Variants in CFAP77 observed in about 807,000 individuals in gnomAD.
CFAP77 encodes cilia- and flagella-associated protein 77.
Under a neutral mutation model 31.1 loss-of-function variants are expected in CFAP77, and 25 were observed. The observed-to-expected ratio is 0.80, with a 90% CI of 0.59 to 1.12. The LOEUF is 1.12. Ranked by LOEUF, CFAP77 falls within the 50% of genes most tolerant of loss-of-function variation. CFAP77 has a pLI of 0.00. For synonymous variants in CFAP77, 151 were observed against 159.9 expected (o/e 0.94, Z 0.42); for missense variants, 377 against 397.3 (o/e 0.95, Z 0.44).
chr9:132,415,579 C>T (rs1291564423), intron 1 of CFAP77, among the ~76,000 whole-genome samples: 1 of 152,224 alleles, frequency 6.6e-6, no homozygotes, highest in Non-Finnish European at 1.5e-5. Context: ...TATTACGTGG[C>T]TCTCAGAACA....
At chr9:132,563,017 C>CT (rs1010534123) in intron 5 of CFAP77, among the ~76,000 whole-genome samples, 1 of 150,566 alleles carries the variant, frequency 6.6e-6, no homozygotes. Context: ...GTTTTTTTGG[C>CT]TTTTTTTGGT....
chr9:132,474,023 T>C (rs537601488), intron 1 of CFAP77, among the ~76,000 whole-genome samples: 3 of 152,290 alleles, frequency 2.0e-5, no homozygotes, highest in Admixed American at 2.0e-4. Context: ...ACTGATCACA[T>C]TGCGTCCTCT....
intron 1 of CFAP77, among the ~76,000 whole-genome samples, chr9:132,433,300 C>T (rs1850445023): frequency 6.6e-6 from 1 of 152,200 alleles, no homozygotes; most frequent in Non-Finnish European, 1.5e-5. Context: ...CTGAGGGCTG[C>T]TGGGTTTCTG....
intron 1 of CFAP77, among the ~76,000 whole-genome samples, chr9:132,444,736 A>T (rs948554630): frequency 2.0e-5 from 3 of 152,156 alleles, no homozygotes; most frequent in African/African-American, 7.2e-5. Context: ...AAATTTTTTA[A>T]AAAAAATTGT....
chr9:132,541,488 CCAAGGCCAGTGAATCACTTGAGGCCAGGA>C (rs1487600861), intron 4 of CFAP77, among the ~76,000 whole-genome samples: 10 of 152,314 alleles, frequency 6.6e-5, no homozygotes, highest in African/African-American at 2.4e-4. Context: ...CTTTGGGAGG[CCAAGGCCAGTGAATCACTTGAGGCCAGGA>C]ATTTGAGACC....
At chr9:132,459,420 G>GGTGTGTGTGTGTGTGTGT (rs112825234) in intron 1 of CFAP77, among the ~76,000 whole-genome samples, 14 of 143,856 alleles carry the variant, frequency 9.7e-5, no homozygotes, top group South Asian at 2.2e-4. Context: ...GGATGAATAG[G>GGTGTGTGTGTGTGTGTGT]GTGTGTGTGT....
At chr9:132,429,582 T>A (rs186412990) in intron 1 of CFAP77, among the ~76,000 whole-genome samples, 2,630 of 139,332 alleles carry the variant, frequency 0.019, 31 homozygotes, top group Non-Finnish European at 0.031. Flanking sequence ...CAGTGGCTCA[T>A]GCCTGTAATC....
At chr9:132,415,770 C>T (rs10901174) in intron 1 of CFAP77, among the ~76,000 whole-genome samples, 90,154 of 152,004 alleles carry the variant, frequency 0.59, 32,118 homozygotes, top group Non-Finnish European at 0.79. Context: ...ACAACTGACC[C>T]TGCGGACGAA....
intron 5 of CFAP77, among the ~76,000 whole-genome samples, chr9:132,546,161 TAA>T (rs1852724898): frequency 6.6e-6 from 1 of 152,092 alleles, no homozygotes; most frequent in Non-Finnish European, 1.5e-5. Flanking sequence ...CAGAAGAATT[TAA>T]AAGTCTGTTA....
intron 1 of CFAP77, among the ~76,000 whole-genome samples, chr9:132,434,762 G>A (rs1004236991): frequency 1.3e-5 from 2 of 152,192 alleles, no homozygotes; most frequent in African/African-American, 4.8e-5. Context: ...GAACCTGTAG[G>A]GGGGCAGAGG....
rs1029085804 is a variant in CFAP77, at chr9:132,497,524, C to A, written c.196-1171C>A. 6.6e-6 allele frequency among the ~76,000 whole-genome samples: 1 copy of A among 152,218 alleles called. No individual in the cohort carries two copies. The highest frequency in any genetic ancestry group is 2.1e-4 in the South Asian group (1 of 4,830). On this transcript the variant is annotated intron_variant, in intron 1 of 5. Coordinates refer to ENST00000393216, the MANE Select transcript of CFAP77 (RefSeq NM_001282957.2). The surrounding 1 kb of genome is among the most constrained non-coding windows in gnomAD (Gnocchi z 4.9). Reference sequence around the variant, plus strand: ...ACCCTTCTCAGTAATGGCCCCGGGGCCTGCTGGCACCAGGGAGCCACAAGA... The same window carrying A: ...ACCCTTCTCAGTAATGGCCCCGGGGACTGCTGGCACCAGGGAGCCACAAGA...
rs140545514 is a variant in CFAP77, at chr9:132,419,377, C to T, written c.195+8911C>T. Among the ~76,000 whole-genome samples the T allele has an allele frequency of 2.3e-3, 344 of 152,320 alleles. 1 individual carries two copies. Among genetic ancestry groups the T allele is most frequent in the African/African-American group, 7.1e-3 (294 of 41,566 alleles). ...GTGGCTGGTTGTTTGTAACCAATAGCACAGCGTCTAAGCTGTGCCGTGGCG... is the reference window on the plus strand; with the variant it reads ...GTGGCTGGTTGTTTGTAACCAATAGTACAGCGTCTAAGCTGTGCCGTGGCG... On this transcript the variant is annotated intron_variant, in intron 1 of 5. Transcript: ENST00000393216.
At chr9:132,504,783 G>A (rs964897195) in intron 3 of CFAP77, among the ~76,000 whole-genome samples, 1 of 132,262 alleles carries the variant, frequency 7.6e-6, no homozygotes, top group Non-Finnish European at 1.6e-5. Context: ...CCCAACCTGC[G>A]TGGAAAGCCT....
Position 132,420,920 on chromosome 9 carries a change from C to T in CFAP77, c.195+10454C>T, listed in dbSNP as rs569461904. On this transcript the variant is annotated intron_variant, in intron 1 of 5. Transcript: ENST00000393216. ...CACAGCCATCTGGATGGGATCCATG[C>T]CCAGCACTGAGGGCAGCTCCATCTT... 4.3e-4 allele frequency among the ~76,000 whole-genome samples: 65 copies of T among 151,688 alleles called. 2 individuals are homozygous for T. In the South Asian group the frequency reaches 0.013, roughly 31 times the overall value.
chr9:132,470,769 G>T (rs2131735209), intron 1 of CFAP77, among the ~76,000 whole-genome samples: 1 of 152,344 alleles, frequency 6.6e-6, no homozygotes. Flanking sequence ...AGCACTTTGG[G>T]ATGCCAAGGT....
Position 132,490,674 on chromosome 9 carries a change from G to A in CFAP77, c.196-8021G>A, listed in dbSNP as rs1337150673. Among the ~76,000 whole-genome samples, 1 of 152,128 alleles carries A rather than the reference G, an allele frequency of 6.6e-6. No individual in the cohort carries two copies. Among genetic ancestry groups the A allele is most frequent in the African/African-American group, 2.4e-5 (1 of 41,414 alleles). ...CTGGCTACTCCTGGAACCTTCTTCA[G>A]ATCAGTTCTTCCCAAAATGCCAATT... is the stretch of plus-strand genomic sequence containing the variant. On this transcript the variant is annotated intron_variant, in intron 1 of 5. Transcript: ENST00000393216. This position sits in a 1 kb window ranked among gnomAD's most constrained non-coding sequence, Gnocchi z 4.6.
intron 1 of CFAP77, among the ~76,000 whole-genome samples, chr9:132,438,541 A>ATATATT: frequency 9.2e-6 from 1 of 108,128 alleles, no homozygotes; most frequent in African/African-American, 4.1e-5. Flanking sequence ...ATATATATAT[A>ATATATT]TTTTTTTTTT....
intron 3 of CFAP77, among the ~76,000 whole-genome samples, chr9:132,513,834 TC>T (rs1297494607): frequency 1.3e-5 from 2 of 152,214 alleles, no homozygotes. Flanking sequence ...CAATTGTCCT[TC>T]CGGGTGCTGG....
At position 132,424,789 on chromosome 9, in the gene CFAP77, A is replaced by G. The variant is rs1011988961; in HGVS notation, c.195+14323A>G. ...CGCATCTGCCGGCCAGGGAGCCAGG[A>G]TGGCTGGGGGCAAAACCTCCATCAA... On this transcript the variant is annotated intron_variant, in intron 1 of 5. Transcript: ENST00000393216. The surrounding 1 kb of genome is among the most constrained non-coding windows in gnomAD (Gnocchi z 4.1). Among the ~76,000 whole-genome samples the G allele has an allele frequency of 6.6e-6, 1 of 152,220 alleles. No homozygotes were observed. Among genetic ancestry groups the G allele is most frequent in the Non-Finnish European group, 1.5e-5 (1 of 68,028 alleles).
Sources: gnomAD v4.1 joint callset for allele counts (sites outside exome capture counted in the v4.1 genomes callset) on GRCh38, gnomAD v4.1.1 for gene constraint, Gnocchi (gnomAD v3.1) non-coding constraint, MANE v1.5 for transcripts, NCBI Gene and HGNC (gene_info 2026-07-23, HGNC 2026-07-21) for gene names.